Variants in NCOR1 observed in about 807,000 individuals in gnomAD.
The protein encoded by NCOR1 is protein phosphatase 1, regulatory subunit 109.
Under a neutral mutation model 288.1 loss-of-function variants are expected in NCOR1, and 63 were observed. The ratio of observed to expected loss-of-function variants is 0.22; its 90% CI spans 0.18 to 0.27. NCOR1 has a LOEUF of 0.27. Ranked by LOEUF, NCOR1 falls within the 10% of genes least tolerant of loss-of-function variation. NCOR1 has a pLI of 1.00. For synonymous variants in NCOR1, 1,007 were observed against 1,065.9 expected (o/e 0.94, Z 1.08); for missense variants, 2,397 against 3,019.2 (o/e 0.79, Z 4.83).
At chr17:16,080,371 C>G (rs1567885501) in intron 25 of NCOR1, 37 bp downstream of exon 25, 1 of 1,525,538 alleles carries the variant, frequency 6.6e-7, no homozygotes, top group East Asian at 2.3e-5. Context: ...TTATTGGGGA[C>G]AAAAGTTTAA....
chr17:16,068,097 G>C lies in NCOR1; in HGVS notation c.4538C>G (p.Thr1513Ser), dbSNP rs1486963223. The change falls in exon 32 of 46, where the codon ACC becomes AGC. Residue 1513 changes from threonine (T) to serine (S), a missense_variant. By Grantham distance (58) the Thr-to-Ser change is moderately conservative (BLOSUM62 1). Coordinates refer to ENST00000268712, the MANE Select transcript of NCOR1 (RefSeq NM_006311.4). ...SDVTISSNKS[T>S]NHERKSTLTP... Reference sequence around the variant, plus strand: ...CAGTGTCGATTTCCTTTCATGATTGGTAGACTTGTTAGAAGAAATTGTAAC... The same window carrying C: ...CAGTGTCGATTTCCTTTCATGATTGCTAGACTTGTTAGAAGAAATTGTAAC... The C allele has an allele frequency of 2.5e-6, 4 of 1,612,726 alleles. No individual in the cohort carries two copies. The highest frequency in any genetic ancestry group is 3.4e-6 in the Non-Finnish European group (4 of 1,179,212).
In NCOR1 at chr17:16,171,886, G is replaced by C. The variant is rs1240701348; in HGVS notation, c.352C>G (p.His118Asp). Reference sequence around the variant, plus strand: ...ACCGCAGCACTGACACGCTGAAAATGAGAATCAGAAACCTGTTCCAGACGT... The same window carrying C: ...ACCGCAGCACTGACACGCTGAAAATCAGAATCAGAAACCTGTTCCAGACGT... ...RPRLEQVSDSHFQRVSAAVLP... is the reference protein window; with the variant it reads ...RPRLEQVSDSDFQRVSAAVLP... Residue 118 changes from histidine to aspartate, a missense_variant, in exon 4 of 46, where the codon CAT becomes GAT. His to Asp is a moderately conservative substitution (Grantham distance 81). This residue lies in a region of NCOR1 where 110 missense variants were observed against 123.2 expected (regional missense o/e 0.89). Coordinates refer to ENST00000268712, the MANE Select transcript of NCOR1 (RefSeq NM_006311.4). 1.2e-6 allele frequency: 2 copies of C among 1,613,468 alleles called. No homozygotes were observed. The highest frequency in any genetic ancestry group is 1.7e-6 in the Non-Finnish European group (2 of 1,179,730).
intron 8 of NCOR1, 181 bp downstream of exon 8, chr17:16,151,765 A>G: frequency 1.0e-6 from 1 of 978,886 alleles, no homozygotes; most frequent in Non-Finnish European, 1.5e-6. Flanking sequence ...GGAAACTCAA[A>G]GCTGTTACCC....
chr17:16,034,895 A>T lies in NCOR1; in HGVS notation c.7005T>A (p.Ser2335=), dbSNP rs748817233. The part of the protein sequence containing the change: ...KLISKSNSRK[S]KSPIPGQGYL... ...AGCCTTGCCCAGGTATAGGAGACTT[A>T]GATTTCCTGCTGTTTGACTTGCTGA... Residue 2335 remains serine (S), a synonymous_variant, in exon 45 of 46, where the codon TCT becomes TCA. Coordinates refer to ENST00000268712, the MANE Select transcript of NCOR1 (RefSeq NM_006311.4). 5.6e-6 allele frequency: 9 copies of T among 1,614,092 alleles called. No individual in the cohort carries two copies. The highest frequency in any genetic ancestry group is 6.8e-6 in the Non-Finnish European group (8 of 1,180,036).
At chr17:16,201,455 C>T (rs2090796647) in intron 1 of NCOR1, among the ~76,000 whole-genome samples, 1 of 151,986 alleles carries the variant, frequency 6.6e-6, no homozygotes, top group Admixed American at 6.6e-5. Flanking sequence ...AAAAACTAAC[C>T]GGGCATGGTG....
intron 11 of NCOR1, among the ~76,000 whole-genome samples, chr17:16,140,805 C>T (rs971974751): frequency 2.8e-5 from 4 of 141,460 alleles, no homozygotes; most frequent in Admixed American, 2.2e-4. Context: ...CAGAGCGAGA[C>T]GCCATCTCAA....
At chr17:16,175,375 A>T (rs908830408) in intron 3 of NCOR1, among the ~76,000 whole-genome samples, 20 of 144,816 alleles carry the variant, frequency 1.4e-4, no homozygotes, top group African/African-American at 3.3e-4. Context: ...TTTGTCTTTT[A>T]AAAAAAAAAA....
At chr17:16,099,704 A>G (rs1162246076) in intron 20 of NCOR1, among the ~76,000 whole-genome samples, 1 of 152,230 alleles carries the variant, frequency 6.6e-6, no homozygotes, top group Non-Finnish European at 1.5e-5. Context: ...AAGGGACTAC[A>G]CAGCTTGAAT....
intron 5 of NCOR1, 110 bp from the exon 6 acceptor site, chr17:16,158,983 G>C: frequency 1.7e-6 from 1 of 584,684 alleles, no homozygotes; most frequent in Non-Finnish European, 2.9e-6. Flanking sequence ...GATTCTGTAG[G>C]GTAACCAATT....
intron 1 of NCOR1, among the ~76,000 whole-genome samples, chr17:16,211,521 C>T (rs983870366): frequency 2.6e-5 from 4 of 152,184 alleles, no homozygotes; most frequent in African/African-American, 9.7e-5. Flanking sequence ...GCATGAGCCA[C>T]TGTGCCCTGC....
In NCOR1 at chr17:16,032,250, A is replaced by T. The variant is rs1459560101; in HGVS notation, c.*46T>A. On this transcript the variant is annotated 3_prime_UTR_variant, in exon 46 of 46. Coordinates refer to ENST00000268712, the MANE Select transcript of NCOR1 (RefSeq NM_006311.4). ...TGCTACTAAAAATTAAACCACAAAA[A>T]CTAGAGATCCCTCTCCTGCACCCTG... The T allele has an allele frequency of 2.0e-6, 3 of 1,506,636 alleles. No homozygotes were observed. Among genetic ancestry groups the T allele is most frequent in the African/African-American group, 1.4e-5 (1 of 69,480 alleles). The allele number at this position is 1,506,636 out of a possible 1,614,324, so 93.3% of individuals were successfully genotyped here.
chr17:16,128,026 C>A (rs1490659143), intron 14 of NCOR1, among the ~76,000 whole-genome samples: 3 of 151,978 alleles, frequency 2.0e-5, no homozygotes, highest in Non-Finnish European at 4.4e-5. Flanking sequence ...GTGATTCTCC[C>A]ACCTCAGTCT....
At chr17:16,090,493 C>G (rs553738932) in intron 22 of NCOR1, among the ~76,000 whole-genome samples, 1 of 152,256 alleles carries the variant, frequency 6.6e-6, no homozygotes, top group East Asian at 1.9e-4. Flanking sequence ...TTATGTCATT[C>G]ATTTATAATT....
At chr17:16,076,740 T>C (rs1327892043) in intron 26 of NCOR1, among the ~76,000 whole-genome samples, 1 of 152,194 alleles carries the variant, frequency 6.6e-6, no homozygotes, top group Non-Finnish European at 1.5e-5. Context: ...CCTCAGTGGC[T>C]GGACTGAGAA....
chr17:16,061,289 T>A, intron 37 of NCOR1, 112 bp downstream of exon 37: 1 of 1,325,910 alleles, frequency 7.5e-7, no homozygotes. Flanking sequence ...TTGCATTACA[T>A]TTACTATCAA....
Position 16,032,495 on chromosome 17 carries a change from A to C in NCOR1, c.7136-12T>G. ...AAACTGAGTTGAGCCTGACAAAAGA[A>C]AAATTAGGTTTTCATTGTCATGAAC... On this transcript the variant is annotated splice_polypyrimidine_tract_variant and intron_variant, in intron 45 of 45. Coordinates refer to ENST00000268712, the MANE Select transcript of NCOR1 (RefSeq NM_006311.4). The C allele has an allele frequency of 1.9e-6, 3 of 1,560,916 alleles. No homozygotes were observed. The highest frequency in any genetic ancestry group is 2.6e-6 in the Non-Finnish European group (3 of 1,157,076).
chr17:16,084,080 C>T (rs1429987973), intron 23 of NCOR1: 6 of 152,106 alleles, frequency 3.9e-5, no homozygotes, highest in African/African-American at 1.5e-4. Flanking sequence ...CTGAAGTATA[C>T]CCTTGACTGG....
At chr17:16,121,010 G>C (rs1018560935) in intron 16 of NCOR1, 42 bp downstream of exon 16, 1 of 1,558,950 alleles carries the variant, frequency 6.4e-7, no homozygotes, top group Non-Finnish European at 8.8e-7. Context: ...ACAGAATCCC[G>C]AACAAAATTA....
intron 42 of NCOR1, 32 bp downstream of exon 42, chr17:16,046,919 T>C: frequency 6.2e-7 from 1 of 1,610,012 alleles, no homozygotes; most frequent in Admixed American, 1.7e-5. Flanking sequence ...ATGCATGTTT[T>C]ATTTGGGGTT....
Sources: allele counts gnomAD v4.1 joint callset (sites outside exome capture counted in the v4.1 genomes callset), GRCh38; gene constraint gnomAD v4.1.1; regional missense constraint gnomAD v4.1.1; transcripts MANE v1.5; gene names NCBI Gene and HGNC (gene_info 2026-07-23, HGNC 2026-07-21).